Variants in MRRF observed in about 807,000 individuals in gnomAD.
The protein encoded by MRRF is ribosome-recycling factor, mitochondrial.
Under a neutral mutation model 25.1 loss-of-function variants are expected in MRRF, and 18 were observed. That is an observed-to-expected ratio of 0.72 (90% CI 0.50 to 1.06). The LOEUF is 1.06. Ranked by LOEUF, MRRF falls within the 50% of genes least tolerant of loss-of-function variation. The pLI, the probability that MRRF is intolerant of heterozygous loss-of-function variation, is 0.00. For missense variants in MRRF, 323 were observed against 319.3 expected (o/e 1.01, Z -0.09); for synonymous variants, 113 against 112.1 (o/e 1.01, Z -0.05).
intron 5 of MRRF, among the ~76,000 whole-genome samples, chr9:122,308,103 G>A (rs1250290875): frequency 1.3e-5 from 2 of 152,172 alleles, no homozygotes; most frequent in Non-Finnish European, 2.9e-5. Flanking sequence ...TCTGCCTGGT[G>A]GAGCTTGTAC....
chr9:122,320,340 C>T (rs1835819306), intron 6 of MRRF, among the ~76,000 whole-genome samples: 1 of 152,198 alleles, frequency 6.6e-6, no homozygotes, highest in Non-Finnish European at 1.5e-5. Context: ...CCACTAATTT[C>T]ACCCAGAACC....
chr9:122,297,456 A>G (rs372435943), intron 5 of MRRF, among the ~76,000 whole-genome samples: 1 of 151,886 alleles, frequency 6.6e-6, no homozygotes, highest in African/African-American at 2.4e-5. Context: ...TATACTATAC[A>G]TAGTGTTCTG....
At chr9:122,265,550 A>T in intron 1 of MRRF, 1 of 353,558 alleles carries the variant, frequency 2.8e-6, no homozygotes, top group South Asian at 2.1e-5. Flanking sequence ...CTCTAAGTTT[A>T]GTGCCTTTAT....
intron 1 of MRRF, among the ~76,000 whole-genome samples, chr9:122,270,359 A>C (rs1375849562): frequency 1.3e-5 from 2 of 152,258 alleles, no homozygotes; most frequent in Non-Finnish European, 2.9e-5. Context: ...ATTAAAGGGC[A>C]TCCTAATTGG....
chr9:122,322,321 C>A (rs1835938267), intron 6 of MRRF, among the ~76,000 whole-genome samples: 1 of 151,944 alleles, frequency 6.6e-6, no homozygotes, highest in Non-Finnish European at 1.5e-5. Flanking sequence ...CGAGATTGCA[C>A]CACTGCACTC....
At chr9:122,296,513 G>A (rs1248597967) in intron 5 of MRRF, among the ~76,000 whole-genome samples, 1 of 152,210 alleles carries the variant, frequency 6.6e-6, no homozygotes, top group Non-Finnish European at 1.5e-5. Flanking sequence ...GAGTCCTGAA[G>A]CTCATAGAAG....
At chr9:122,275,469 C>CA (rs1340906172) in intron 2 of MRRF, among the ~76,000 whole-genome samples, 4 of 151,444 alleles carry the variant, frequency 2.6e-5, no homozygotes, top group African/African-American at 9.7e-5. Flanking sequence ...CTCTTCTCTA[C>CA]AAAAAAAATA....
chr9:122,273,510 G>A (rs1043481430), intron 2 of MRRF, among the ~76,000 whole-genome samples: 1 of 151,502 alleles, frequency 6.6e-6, no homozygotes, highest in Non-Finnish European at 1.5e-5. Flanking sequence ...ATTTCTGGGG[G>A]AATCCTATCT....
chr9:122,285,959 AG>A, intron 4 of MRRF: 1 of 1,303,930 alleles, frequency 7.7e-7, no homozygotes. Flanking sequence ...GGGTTGTATT[AG>A]GTCATTGCAT....
At chr9:122,319,147 C>CTTTTTT (rs35949709) in intron 6 of MRRF, among the ~76,000 whole-genome samples, 5 of 121,010 alleles carry the variant, frequency 4.1e-5, no homozygotes, top group Non-Finnish European at 8.8e-5. Flanking sequence ...TTCTTTCTTT[C>CTTTTTT]TTTTTTTTTT....
At chr9:122,297,110 C>A (rs192610095) in intron 5 of MRRF, among the ~76,000 whole-genome samples, 1 of 152,292 alleles carries the variant, frequency 6.6e-6, no homozygotes, top group East Asian at 1.9e-4. Flanking sequence ...GTCAGAAGTT[C>A]AAGACCAGCC....
At chr9:122,280,205 C>G (rs753413579) in intron 2 of MRRF, among the ~76,000 whole-genome samples, 1 of 152,156 alleles carries the variant, frequency 6.6e-6, no homozygotes, top group Admixed American at 6.5e-5. Flanking sequence ...TGCATTATAG[C>G]CAGACTTCTA....
intron 2 of MRRF, among the ~76,000 whole-genome samples, 196 bp from the exon 3 acceptor site, chr9:122,280,247 C>A (rs577662842): frequency 6.6e-6 from 1 of 152,310 alleles, no homozygotes; most frequent in Admixed American, 6.5e-5. Context: ...AGTGTGCCCC[C>A]TCACTAGTAT....
chr9:122,277,513 T>C (rs1310459432), intron 2 of MRRF, among the ~76,000 whole-genome samples: 1 of 152,194 alleles, frequency 6.6e-6, no homozygotes, highest in African/African-American at 2.4e-5. Context: ...TTATATTTAT[T>C]GTAGTCACTG....
chr9:122,285,095 T>A (rs1176891694), intron 3 of MRRF, 74 bp from the exon 4 acceptor site: 2 of 939,406 alleles, frequency 2.1e-6, no homozygotes, highest in Non-Finnish European at 3.5e-6. Flanking sequence ...AACCTGAATC[T>A]GAATTAGATA....
intron 2 of MRRF, among the ~76,000 whole-genome samples, chr9:122,274,533 G>GGTGTGT (rs765131163): frequency 0.11 from 15,665 of 140,478 alleles, 1,142 homozygotes; most frequent in African/African-American, 0.19. Context: ...ATATGAATCT[G>GGTGTGT]GTGTGTGTGT....
Position 122,265,481 on chromosome 9 carries a change from A to G in MRRF, c.-29+543A>G, listed in dbSNP as rs148804100. The G allele has an allele frequency of 2.4e-5, 8 of 328,132 alleles. No individual in the cohort carries two copies. In the East Asian group the frequency reaches 4.8e-4, roughly 20 times the overall value. The allele number at this position is 328,132 out of a possible 1,614,324, so 20.3% of individuals were successfully genotyped here. ...TTACAGATGAGACGGAAGTCCTGAG[A>G]GTTTGACCGATTTAAGGTCACGTGC... On this transcript the variant is annotated intron_variant, in intron 1 of 6. Transcript: ENST00000344641.
At chr9:122,296,183 G>A (rs1834075214) in intron 5 of MRRF, among the ~76,000 whole-genome samples, 1 of 151,954 alleles carries the variant, frequency 6.6e-6, no homozygotes, top group Non-Finnish European at 1.5e-5. Context: ...AATAACCATT[G>A]AGTCTTAGGG....
rs559846982 is a variant in MRRF, at chr9:122,303,096, CT to C, written c.552-10129del. On this transcript the variant is annotated intron_variant, in intron 5 of 6. Coordinates refer to ENST00000344641, the MANE Select transcript of MRRF (RefSeq NM_138777.5). The stretch of plus-strand genomic sequence containing the variant: ...CTTTATATATTCTGGATATTAGACT[CT>C]TATCAGATACATGGCTTTCATCTTT... Among the ~76,000 whole-genome samples, 20 of 152,174 alleles carry C rather than the reference CT, an allele frequency of 1.3e-4. No individual in the cohort carries two copies. In the South Asian group the frequency reaches 4.1e-3, roughly 32 times the overall value.
Sources: allele counts gnomAD v4.1 joint callset (sites outside exome capture counted in the v4.1 genomes callset), GRCh38; gene constraint gnomAD v4.1.1; transcripts MANE v1.5; gene names NCBI Gene and HGNC (gene_info 2026-07-23, HGNC 2026-07-21).